RSPH14: variants seen among roughly 807,000 people sequenced by gnomAD.
The protein encoded by RSPH14 is radial spoke head 14 homolog, also known as rhabdoid tumor deletion region gene 1.
RSPH14 carries 20 observed loss-of-function variants against 26.7 expected under a neutral mutation model. The ratio of observed to expected loss-of-function variants is 0.75; its 90% confidence interval spans 0.53 to 1.09. The LOEUF (loss-of-function observed/expected upper bound fraction) is 1.09. Among genes scored for constraint, RSPH14 ranks in the 50% least tolerant of loss-of-function variants. The pLI, the probability that RSPH14 is intolerant of heterozygous loss-of-function variation, is 0.00. For synonymous variants in RSPH14, 177 were observed against 189.3 expected, an observed-to-expected ratio of 0.93 and a Z score of 0.53; for missense variants, 449 against 457.2, an observed-to-expected ratio of 0.98 and a Z score of 0.16.
intron 4 of RSPH14, among the ~76,000 whole-genome samples, chr22:23,104,178 C>T (rs756310854): frequency 3.3e-5 from 5 of 152,184 alleles, no homozygotes; most frequent in Non-Finnish European, 5.9e-5. Context: ...GAGCACAGAG[C>T]TATGCACAGT....
At chr22:23,101,158 A>C (rs898383696) in intron 4 of RSPH14, among the ~76,000 whole-genome samples, 10 of 152,186 alleles carry the variant, frequency 6.6e-5, no homozygotes, top group Non-Finnish European at 1.5e-4. Flanking sequence ...TAGATTGAGA[A>C]GGGACCTTAT....
intron 4 of RSPH14, among the ~76,000 whole-genome samples, chr22:23,127,315 GA>G (rs542961313): frequency 3.0e-3 from 458 of 152,354 alleles, no homozygotes; most frequent in African/African-American, 0.011. Flanking sequence ...CGGGAACCAA[GA>G]GGCCAGAGTG....
intron 4 of RSPH14, among the ~76,000 whole-genome samples, chr22:23,067,481 G>A (rs1005474416): frequency 5.3e-5 from 8 of 152,232 alleles, no homozygotes; most frequent in South Asian, 2.1e-4. Flanking sequence ...CCACCTTGCC[G>A]CAGGTGACCC....
intron 4 of RSPH14, among the ~76,000 whole-genome samples, chr22:23,095,070 ACACCAT>A (rs759236391): frequency 6.6e-6 from 1 of 152,222 alleles, no homozygotes; most frequent in Non-Finnish European, 1.5e-5. Context: ...CATATGTGTT[ACACCAT>A]GGTGTGGGCC....
intron 4 of RSPH14, among the ~76,000 whole-genome samples, chr22:23,104,848 A>G (rs1353083713): frequency 6.6e-6 from 1 of 152,160 alleles, no homozygotes; most frequent in Non-Finnish European, 1.5e-5. Context: ...GGCTCAGTCT[A>G]GTTTCTGGAG....
intron 4 of RSPH14, among the ~76,000 whole-genome samples, chr22:23,102,898 C>T (rs986041071): frequency 2.6e-5 from 4 of 152,234 alleles, no homozygotes; most frequent in African/African-American, 9.6e-5. Context: ...GACAAGTGTT[C>T]CTGCCACAAC....
chr22:23,138,810 G>A (rs367812605), intron 3 of RSPH14, 30 bp downstream of exon 3: 40 of 1,533,634 alleles, frequency 2.6e-5, no homozygotes, highest in Middle Eastern at 1.7e-4. Context: ...GCTCGCAAGC[G>A]TCACACTGGT....
At chr22:23,159,364 G>C in the RSPH14 span, 2 of 1,051,316 alleles carry the variant, frequency 1.9e-6, no homozygotes. Context: ...TGTTCCCTCT[G>C]TGGCCCTGGT....
intron 4 of RSPH14, among the ~76,000 whole-genome samples, chr22:23,118,943 G>C (rs1404470000): frequency 2.0e-5 from 3 of 152,218 alleles, no homozygotes; most frequent in Admixed American, 2.0e-4. Context: ...ACAAAGGCCA[G>C]ATGGGTGCAG....
chr22:23,135,107 G>T (rs2070442581), intron 3 of RSPH14, among the ~76,000 whole-genome samples: 1 of 152,018 alleles, frequency 6.6e-6, no homozygotes, highest in African/African-American at 2.4e-5. Context: ...GGAGTTTAAG[G>T]CTACAGTGAG....
chr22:23,076,737 G>T (rs1601751295), intron 4 of RSPH14, among the ~76,000 whole-genome samples: 1 of 152,352 alleles, frequency 6.6e-6, no homozygotes, highest in East Asian at 1.9e-4. Flanking sequence ...CTGTCCTAAG[G>T]GGATGAGCCA....
the RSPH14 span, among the ~76,000 whole-genome samples, chr22:23,154,116 C>CTTACCCCTT: frequency 6.6e-6 from 1 of 152,112 alleles, no homozygotes; most frequent in Non-Finnish European, 1.5e-5. Context: ...TACCCTCTCC[C>CTTACCCCTT]ACCCCAGCTG....
chr22:23,166,360 G>A, the RSPH14 span, among the ~76,000 whole-genome samples: 1 of 147,054 alleles, frequency 6.8e-6, no homozygotes, highest in Non-Finnish European at 1.5e-5. Flanking sequence ...GGGCCAATAT[G>A]GGGGGGTGGG....
chr22:23,131,419 G>T, intron 4 of RSPH14: 1 of 264,270 alleles, frequency 3.8e-6, no homozygotes, highest in Middle Eastern at 1.4e-3. Flanking sequence ...TGGGTGGGGG[G>T]AGGTTCACAG....
chr22:23,133,464 G>A (rs2070401870), intron 4 of RSPH14, among the ~76,000 whole-genome samples: 1 of 152,250 alleles, frequency 6.6e-6, no homozygotes, highest in South Asian at 2.1e-4. Flanking sequence ...GTATGGGCAT[G>A]TGGGAAGTTT....
intron 5 of RSPH14, among the ~76,000 whole-genome samples, chr22:23,062,479 T>C (rs2068117491): frequency 6.6e-6 from 1 of 152,166 alleles, no homozygotes; most frequent in African/African-American, 2.4e-5. Context: ...TTCTGTCCCC[T>C]AAAAAGAAAG....
chr22:23,145,963 G>A (rs893424491), upstream of RSPH14: 2 of 985,238 alleles, frequency 2.0e-6, no homozygotes, highest in Non-Finnish European at 2.4e-6. Flanking sequence ...TTGCAGACTG[G>A]GAGCAGGAGA....
In RSPH14 at chr22:23,134,066, G is replaced by C. The variant is rs1430083250; in HGVS notation, c.381C>G (p.Asn127Lys). The C allele has an allele frequency of 8.1e-6, 13 of 1,613,732 alleles. No individual in the cohort carries two copies. The highest frequency in any genetic ancestry group is 1.1e-5 in the South Asian group (1 of 91,084). Residue 127 changes from asparagine (N) to lysine (K), a missense_variant, in exon 4 of 7, where the codon AAC becomes AAG. Physicochemically the swap from Asn to Lys is moderately conservative, Grantham distance 94 (BLOSUM62 0). Transcript: ENST00000216036. ...CCAGCTGCATGTATGCCTTGTACAG[G>C]TTCCCCCGGCAGACTGGGCTGGGGT... ...LNDPSPVCRG[N>K]LYKAYMQLVQ... is the part of the protein sequence containing the mutation.
chr22:23,159,305 C>A, the RSPH14 span: 1 of 1,506,010 alleles, frequency 6.6e-7, no homozygotes, highest in Non-Finnish European at 9.0e-7. Flanking sequence ...GCTCTTGGGC[C>A]AGTCCTGTGG....
Sources: gnomAD v4.1 joint callset for allele counts (sites outside exome capture counted in the v4.1 genomes callset) on GRCh38, gnomAD v4.1.1 for gene constraint, MANE v1.5 for transcripts, NCBI Gene and HGNC (gene_info 2026-07-23, HGNC 2026-07-21) for gene names.